SLC9A2: variants seen among roughly 807,000 people sequenced by gnomAD.
SLC9A2 encodes the protein solute carrier family 9 member A2.
Under a neutral mutation model 71.7 loss-of-function variants are expected in SLC9A2, and 42 were observed. That is an observed-to-expected ratio of 0.59 (90% CI 0.46 to 0.76). SLC9A2 has a LOEUF of 0.76. Among genes scored for constraint, SLC9A2 ranks in the 30% least tolerant of loss-of-function variants. SLC9A2 has a pLI of 0.00. For missense variants in SLC9A2, 829 were observed against 1,017.4 expected (o/e 0.81, Z 2.52); for synonymous variants, 396 against 392.5 (o/e 1.01, Z -0.10).
rs1440434182 is a variant in SLC9A2 at position 102,642,122 on chromosome 2, T to C, written c.290-15442T>C. On this transcript the variant is annotated intron_variant, in intron 1 of 11. Coordinates refer to ENST00000233969, the MANE Select transcript of SLC9A2 (RefSeq NM_003048.6). The stretch of plus-strand genomic sequence containing the variant: ...GATAAGCAGTAACATAAGTTATTTA[T>C]CAATTTCTAGGAAGGAAGAATCCTT... 3.3e-5 allele frequency among the ~76,000 whole-genome samples: 5 copies of C among 152,148 alleles called. No individual in the cohort carries two copies. In the East Asian group the frequency reaches 9.6e-4, roughly 29 times the overall value.
chr2:102,684,402 C>A, intron 5 of SLC9A2, 66 bp downstream of exon 5: 1 of 1,440,636 alleles, frequency 6.9e-7, no homozygotes, highest in Non-Finnish European at 9.8e-7. Context: ...ATTCTGTTTA[C>A]AGGATGCAAA....
At chr2:102,704,846 G>A (rs1677943831) in intron 10 of SLC9A2, among the ~76,000 whole-genome samples, 171 bp downstream of exon 10, 1 of 152,134 alleles carries the variant, frequency 6.6e-6, no homozygotes, top group Non-Finnish European at 1.5e-5. Flanking sequence ...AGGTATTGTG[G>A]CCAGCATTGC....
At chr2:102,685,861 A>G (rs994518283) in intron 5 of SLC9A2, among the ~76,000 whole-genome samples, 2 of 152,214 alleles carry the variant, frequency 1.3e-5, no homozygotes, top group Non-Finnish European at 2.9e-5. Flanking sequence ...TCTGGCCACT[A>G]GCAGAGAATT....
intron 11 of SLC9A2, 88 bp from the exon 12 acceptor site, chr2:102,708,031 C>T: frequency 2.2e-6 from 3 of 1,393,348 alleles, no homozygotes; most frequent in Non-Finnish European, 2.9e-6. Context: ...CAGGACGTAT[C>T]AGTTGCCTGA....
At chr2:102,621,658 A>C (rs543755066) in intron 1 of SLC9A2, among the ~76,000 whole-genome samples, 1 of 152,226 alleles carries the variant, frequency 6.6e-6, no homozygotes, top group East Asian at 1.9e-4. Context: ...GAAAAGACGC[A>C]TTGTCTGCCA....
At chr2:102,684,918 G>A (rs907464314) in intron 5 of SLC9A2, among the ~76,000 whole-genome samples, 2 of 152,184 alleles carry the variant, frequency 1.3e-5, no homozygotes, top group Non-Finnish European at 2.9e-5. Flanking sequence ...CTAGGAGCCA[G>A]AACATAAAAA....
At chr2:102,632,065 C>CAT (rs1558701363) in intron 1 of SLC9A2, among the ~76,000 whole-genome samples, 1 of 112,462 alleles carries the variant, frequency 8.9e-6, no homozygotes, top group African/African-American at 3.4e-5. Context: ...TATATACACA[C>CAT]ACATATATAT....
intron 3 of SLC9A2, among the ~76,000 whole-genome samples, chr2:102,675,687 C>T (rs1024851128): frequency 2.6e-5 from 4 of 152,106 alleles, no homozygotes; most frequent in African/African-American, 9.7e-5. Flanking sequence ...CAGAGACCTG[C>T]ACCTAGATCC....
intron 1 of SLC9A2, among the ~76,000 whole-genome samples, chr2:102,646,785 A>ATATATATATATATATATATG (rs1558706172): frequency 6.8e-6 from 1 of 148,120 alleles, no homozygotes. Flanking sequence ...ATATATATAT[A>ATATATATATATATATATATG]TATATCTCCA....
In SLC9A2 at chr2:102,657,988, G is replaced by C. The variant is rs1161081597; in HGVS notation, c.714G>C (p.Leu238=). 2.5e-6 allele frequency: 4 copies of C among 1,612,992 alleles called. No homozygotes were observed. The African/African-American group carries it at 4.0e-5, about 16-fold the overall frequency. The change falls in exon 2 of 12, where the codon CTG becomes CTC. Residue 238 remains leucine, a synonymous_variant. Transcript: ENST00000233969. ...NIHVNEQLYI[L]VFGESLLNDA... ...ACGTCAATGAGCAGCTCTACATCCT[G>C]GTCTTTGGAGAGTCCCTGCTGAATG...
intron 8 of SLC9A2, among the ~76,000 whole-genome samples, chr2:102,701,622 A>C (rs1441027277): frequency 6.6e-6 from 1 of 152,224 alleles, no homozygotes; most frequent in Non-Finnish European, 1.5e-5. Context: ...CATAAGGCAC[A>C]TCACAGGGTT....
At chr2:102,644,804 G>A (rs1162692069) in intron 1 of SLC9A2, among the ~76,000 whole-genome samples, 1 of 152,160 alleles carries the variant, frequency 6.6e-6, no homozygotes, top group Admixed American at 6.5e-5. Flanking sequence ...CCCTGTCAAG[G>A]GCTTATAGAT....
intron 3 of SLC9A2, among the ~76,000 whole-genome samples, chr2:102,670,599 CAAA>C (rs66543071): frequency 0.34 from 27,089 of 80,052 alleles, 1,824 homozygotes; most frequent in Middle Eastern, 0.46. Context: ...CTCCCCCCAC[CAAA>C]AAAAAAAAAA....
intron 5 of SLC9A2, among the ~76,000 whole-genome samples, chr2:102,686,993 C>T (rs184499022): frequency 5.1e-4 from 77 of 152,280 alleles, no homozygotes; most frequent in African/African-American, 1.7e-3. Flanking sequence ...CAAGCTAATC[C>T]TCCACTGAGG....
At chr2:102,621,570 G>C (rs942818616) in intron 1 of SLC9A2, among the ~76,000 whole-genome samples, 1 of 152,076 alleles carries the variant, frequency 6.6e-6, no homozygotes, top group Non-Finnish European at 1.5e-5. Context: ...CGATTAAGTT[G>C]TTAGGTCCAA....
At chr2:102,668,597 T>C (rs1023900466) in intron 3 of SLC9A2, among the ~76,000 whole-genome samples, 3 of 152,194 alleles carry the variant, frequency 2.0e-5, no homozygotes, top group Non-Finnish European at 4.4e-5. Flanking sequence ...TTAATGAGAG[T>C]GAAGGCATCT....
chr2:102,632,687 C>A (rs1421926709), intron 1 of SLC9A2, among the ~76,000 whole-genome samples: 1 of 152,106 alleles, frequency 6.6e-6, no homozygotes, highest in Non-Finnish European at 1.5e-5. Flanking sequence ...CACATACTTT[C>A]CAGGTGAGTT....
intron 1 of SLC9A2, among the ~76,000 whole-genome samples, chr2:102,634,516 T>C (rs939219320): frequency 6.6e-6 from 1 of 152,192 alleles, no homozygotes; most frequent in Non-Finnish European, 1.5e-5. Flanking sequence ...TGGATAGCCT[T>C]GAAGGAGAAC....
At chr2:102,674,974 T>G (rs995121242) in intron 3 of SLC9A2, among the ~76,000 whole-genome samples, 1 of 152,176 alleles carries the variant, frequency 6.6e-6, no homozygotes, top group Non-Finnish European at 1.5e-5. Flanking sequence ...CAGGTCCTGT[T>G]AGAAAACATT....
Sources: gnomAD v4.1 joint callset for allele counts (sites outside exome capture counted in the v4.1 genomes callset) on GRCh38, gnomAD v4.1.1 for gene constraint, MANE v1.5 for transcripts, NCBI Gene and HGNC (gene_info 2026-07-23, HGNC 2026-07-21) for gene names.